NXPH1: variants seen among roughly 807,000 people sequenced by gnomAD.
The protein encoded by NXPH1 is neurexophilin-1.
A neutral mutation model predicts 23.7 loss-of-function variants in NXPH1; 5 were observed. That is an observed-to-expected ratio of 0.21 (90% confidence interval 0.11 to 0.44). NXPH1 has a LOEUF of 0.44. NXPH1 is among the 20% of genes least tolerant of loss of function. The pLI is 0.99. For synonymous variants in NXPH1, 144 were observed against 122.2 expected (o/e 1.18, Z -1.18); for missense variants, 324 against 321.6 (o/e 1.01, Z -0.06).
chr7:8,599,807 A>ATTT lies in NXPH1; in HGVS notation c.55-151188_55-151186dup, dbSNP rs57462739. On this transcript the variant is annotated intron_variant, in intron 2 of 2. Transcript: ENST00000405863. ...GCCCATGTTACCCTTAGATAGGAAG[A>ATTT]TTTTTTTTTTTTTTTGGTGAAGGGA... Among the ~76,000 whole-genome samples, 1,095 of 145,192 alleles carry ATTT rather than the reference A, an allele frequency of 7.5e-3. 16 individuals carry two copies. The highest frequency in any genetic ancestry group is 0.026 in the African/African-American group (1,031 of 39,254).
At position 8,435,444 on chromosome 7, in the gene NXPH1, G is replaced by T; in HGVS notation, c.-110-160G>T. On this transcript the variant is annotated intron_variant, in intron 1 of 2. Coordinates refer to ENST00000405863, the MANE Select transcript of NXPH1 (RefSeq NM_152745.3). The surrounding 1 kb of genome is among the most constrained non-coding windows in gnomAD (Gnocchi z 5.9). ...CCCAGCTGCGGACCGCGCGCTTGCT[G>T]GTCTCAGGCGCTGGATTTACTCGCT... 1.9e-6 allele frequency: 1 copy of T among 537,778 alleles called. No homozygotes were observed. Among genetic ancestry groups the T allele is most frequent in the South Asian group, 2.2e-5 (1 of 46,132 alleles). 33.3% of individuals were successfully genotyped at this position (537,778 alleles called of 1,614,324 possible).
chr7:8,554,537 C>G (rs1483828846), intron 2 of NXPH1, among the ~76,000 whole-genome samples: 2 of 151,714 alleles, frequency 1.3e-5, no homozygotes, highest in Non-Finnish European at 3.0e-5. Context: ...ATAATAGGCT[C>G]TTAGTACATT....
intron 2 of NXPH1, among the ~76,000 whole-genome samples, chr7:8,498,973 GT>G (rs1430880986): frequency 2.6e-5 from 4 of 152,046 alleles, no homozygotes; most frequent in African/African-American, 9.7e-5. Context: ...TGAGTATAAA[GT>G]TTGGTATTTG....
chr7:8,596,457 G>A (rs921669017), intron 2 of NXPH1, among the ~76,000 whole-genome samples: 7 of 152,100 alleles, frequency 4.6e-5, no homozygotes, highest in African/African-American at 1.7e-4. Flanking sequence ...CACTGCCAAA[G>A]TGTTTTTTTA....
intron 2 of NXPH1, among the ~76,000 whole-genome samples, chr7:8,574,962 T>A (rs1253780858): frequency 1.3e-5 from 2 of 152,214 alleles, no homozygotes; most frequent in Non-Finnish European, 2.9e-5. Context: ...CCACCAGACA[T>A]GCTTGGTTAA....
Position 8,587,291 on chromosome 7 carries a change from A to C in NXPH1, c.54+151524A>C, listed in dbSNP as rs570840784. On this transcript the variant is annotated intron_variant, in intron 2 of 2. Transcript: ENST00000405863. ...TGCATTTATTCAAGGGCAGATTTTT[A>C]AACTTTTTTTTTTTTTATAGAGGGG... Among the ~76,000 whole-genome samples, 234 of 127,180 alleles carry C rather than the reference A, an allele frequency of 1.8e-3. 1 individual carries two copies. Among genetic ancestry groups the C allele is most frequent in the African/African-American group, 9.2e-3 (220 of 23,816 alleles). 83.4% of individuals were successfully genotyped at this position (127,180 alleles called of 152,430 possible). A position where few individuals can be genotyped will look rare whatever the true frequency, so the allele number is the denominator to read the frequency against.
chr7:8,721,301 A>G (rs1239243229), intron 2 of NXPH1, among the ~76,000 whole-genome samples: 1 of 152,208 alleles, frequency 6.6e-6, no homozygotes, highest in Non-Finnish European at 1.5e-5. Context: ...AATGTGATCA[A>G]ATGAAACTAA....
chr7:8,649,207 GTTTAGTCCA>G (rs1364499426), intron 2 of NXPH1, among the ~76,000 whole-genome samples: 1 of 152,002 alleles, frequency 6.6e-6, no homozygotes, highest in Non-Finnish European at 1.5e-5. Flanking sequence ...TGGAGAGTGA[GTTTAGTCCA>G]TTTACATTCA....
intron 2 of NXPH1, among the ~76,000 whole-genome samples, chr7:8,660,243 A>T (rs1051155902): frequency 2.6e-5 from 4 of 152,206 alleles, no homozygotes; most frequent in Admixed American, 6.5e-5. Context: ...TTTTGCAAAT[A>T]AGGAAAGTGA....
intron 2 of NXPH1, among the ~76,000 whole-genome samples, chr7:8,647,103 C>T (rs1820409838): frequency 1.3e-5 from 2 of 152,180 alleles, no homozygotes; most frequent in Admixed American, 6.5e-5. Context: ...CACAAAGACA[C>T]GTGTGTTCTG....
intron 2 of NXPH1, among the ~76,000 whole-genome samples, chr7:8,632,219 TATTGA>T (rs1820146693): frequency 2.0e-5 from 3 of 152,308 alleles, no homozygotes; most frequent in Admixed American, 1.3e-4. Flanking sequence ...AAAATAAATA[TATTGA>T]ATTAAGAAAA....
chr7:8,626,588 T>C (rs1819994786), intron 2 of NXPH1, among the ~76,000 whole-genome samples: 1 of 152,086 alleles, frequency 6.6e-6, no homozygotes, highest in Non-Finnish European at 1.5e-5. Context: ...TAGCACACTT[T>C]GCTAGTACTT....
intron 2 of NXPH1, among the ~76,000 whole-genome samples, chr7:8,599,027 A>C (rs963804213): frequency 1.3e-5 from 2 of 152,302 alleles, no homozygotes; most frequent in Admixed American, 6.5e-5. Flanking sequence ...GTATAATTGG[A>C]TGAATCAGCC....
At chr7:8,738,442 A>T (rs112610265) in intron 2 of NXPH1, among the ~76,000 whole-genome samples, 23,858 of 152,102 alleles carry the variant, frequency 0.16, 2,101 homozygotes, top group South Asian at 0.22. Context: ...GCTGGGTATC[A>T]CCAGAGGAGG....
intron 2 of NXPH1, among the ~76,000 whole-genome samples, chr7:8,709,958 A>G (rs1214754735): frequency 1.3e-5 from 2 of 152,196 alleles, no homozygotes; most frequent in East Asian, 3.9e-4. Context: ...TATGACCAGT[A>G]ATAAGGCTCA....
intron 2 of NXPH1, among the ~76,000 whole-genome samples, chr7:8,574,618 C>G (rs902122992): frequency 6.6e-6 from 1 of 152,154 alleles, no homozygotes; most frequent in African/African-American, 2.4e-5. Flanking sequence ...TTCCTGGTGT[C>G]TGCATCACAT....
intron 2 of NXPH1, among the ~76,000 whole-genome samples, chr7:8,471,874 G>A (rs139187156): frequency 0.016 from 2,441 of 152,146 alleles, 63 homozygotes; most frequent in African/African-American, 0.053. Context: ...AGTAGGTAGA[G>A]TATAATCTCA....
chr7:8,560,857 C>A (rs774380032), intron 2 of NXPH1, among the ~76,000 whole-genome samples: 1 of 151,646 alleles, frequency 6.6e-6, no homozygotes, highest in African/African-American at 2.4e-5. Context: ...GAAGCTTGTT[C>A]TCCTTATCTG....
intron 2 of NXPH1, among the ~76,000 whole-genome samples, chr7:8,535,745 G>A (rs1428858386): frequency 6.6e-6 from 1 of 151,932 alleles, no homozygotes; most frequent in Non-Finnish European, 1.5e-5. Flanking sequence ...AGGCAAAGCA[G>A]TTTGTGGACA....
Sources: gnomAD v4.1 joint callset for allele counts (sites outside exome capture counted in the v4.1 genomes callset) on GRCh38, gnomAD v4.1.1 for gene constraint, Gnocchi (gnomAD v3.1) non-coding constraint, MANE v1.5 for transcripts, NCBI Gene and HGNC (gene_info 2026-07-23, HGNC 2026-07-21) for gene names.